Variants in EPHA6 observed in about 807,000 individuals in gnomAD.
EPHA6 encodes EPH receptor A6, also known as ephrin type-A receptor 6.
Under a neutral mutation model 112.0 loss-of-function variants are expected in EPHA6, and 50 were observed. That is an observed-to-expected ratio of 0.45 (90% CI 0.36 to 0.56). The LOEUF is 0.56. Ranked by LOEUF, EPHA6 falls within the 20% of genes least tolerant of loss-of-function variation. The probability of loss-of-function intolerance (pLI) is 0.00; values close to 1 mark genes in which losing one functional copy is unlikely to be tolerated. For missense variants in EPHA6, 1,280 were observed against 1,417.4 expected (o/e 0.90, Z 1.56); for synonymous variants, 529 against 490.7 (o/e 1.08, Z -1.03).
intron 2 of EPHA6, among the ~76,000 whole-genome samples, chr3:96,881,996 G>A (rs1410372062): frequency 6.6e-6 from 1 of 152,180 alleles, no homozygotes; most frequent in African/African-American, 2.4e-5. Flanking sequence ...GCTTTGCGGG[G>A]TACAGCCTCC....
chr3:97,425,235 T>G (rs142511295), intron 6 of EPHA6, among the ~76,000 whole-genome samples: 2,403 of 152,300 alleles, frequency 0.016, 61 homozygotes, highest in African/African-American at 0.052. Flanking sequence ...GGACTCTGTG[T>G]GGGGGCTCCA....
chr3:97,578,520 A>C (rs185409978), intron 11 of EPHA6, among the ~76,000 whole-genome samples: 1 of 152,334 alleles, frequency 6.6e-6, no homozygotes, highest in Admixed American at 6.5e-5. Context: ...CCTTAACGAC[A>C]GGGGTTTTGA....
intron 3 of EPHA6, among the ~76,000 whole-genome samples, chr3:97,147,461 C>T (rs1470513680): frequency 6.6e-6 from 1 of 151,932 alleles, no homozygotes; most frequent in African/African-American, 2.4e-5. Flanking sequence ...CAATGCCAGT[C>T]ACAAAGTGGC....
At chr3:97,525,838 G>T in intron 10 of EPHA6, among the ~76,000 whole-genome samples, 1 of 152,114 alleles carries the variant, frequency 6.6e-6, no homozygotes, top group East Asian at 1.9e-4. Context: ...CCAGATCTTT[G>T]GGTCTGGATC....
chr3:96,964,704 A>G (rs544457347), intron 2 of EPHA6, among the ~76,000 whole-genome samples: 1 of 152,254 alleles, frequency 6.6e-6, no homozygotes, highest in African/African-American at 2.4e-5. Flanking sequence ...TGCTCTGATG[A>G]ATGTACTTAT....
intron 2 of EPHA6, among the ~76,000 whole-genome samples, chr3:96,970,007 C>T (rs1218250292): frequency 6.6e-6 from 1 of 151,762 alleles, no homozygotes; most frequent in African/African-American, 2.4e-5. Flanking sequence ...AATATTATAC[C>T]TTTTAGTTAA....
At chr3:97,564,216 ATTAT>A (rs1029065101) in intron 11 of EPHA6, among the ~76,000 whole-genome samples, 11 of 114,380 alleles carry the variant, frequency 9.6e-5, no homozygotes, top group African/African-American at 2.2e-4. Context: ...TTGTAAAAAC[ATTAT>A]TTATTATTAT....
At chr3:96,970,310 C>T (rs1470116954) in intron 2 of EPHA6, among the ~76,000 whole-genome samples, 2 of 151,372 alleles carry the variant, frequency 1.3e-5, no homozygotes, top group East Asian at 3.9e-4. Flanking sequence ...GAGAAAGTGC[C>T]TCTTAGTTAT....
intron 3 of EPHA6, among the ~76,000 whole-genome samples, chr3:97,120,309 A>G (rs2048006314): frequency 1.3e-5 from 2 of 152,082 alleles, no homozygotes; most frequent in East Asian, 1.9e-4. Context: ...TCTTCTAGAA[A>G]CAGTAATTCT....
intron 10 of EPHA6, among the ~76,000 whole-genome samples, chr3:97,527,669 T>C (rs1315437852): frequency 1.3e-5 from 2 of 151,878 alleles, no homozygotes; most frequent in African/African-American, 2.4e-5. Flanking sequence ...CAGGGCCACA[T>C]AGGGGTTGCA....
chr3:96,945,481 T>G (rs75930737), intron 2 of EPHA6, among the ~76,000 whole-genome samples: 3,517 of 152,284 alleles, frequency 0.023, 142 homozygotes, highest in African/African-American at 0.08. Context: ...ACCAGCTTAC[T>G]CAAATATGTT....
At chr3:96,915,168 TAAAGTA>T (rs566749420) in intron 2 of EPHA6, among the ~76,000 whole-genome samples, 3 of 151,920 alleles carry the variant, frequency 2.0e-5, no homozygotes. Context: ...AAAAGAAAGT[TAAAGTA>T]AATGGCAAAG....
At chr3:96,905,010 G>T (rs964283184) in intron 2 of EPHA6, among the ~76,000 whole-genome samples, 1 of 152,076 alleles carries the variant, frequency 6.6e-6, no homozygotes, top group Non-Finnish European at 1.5e-5. Context: ...TCCAACAATG[G>T]TAGCCATATA....
At position 97,387,056 on chromosome 3, in the gene EPHA6, C is replaced by T. The variant is rs555065046; in HGVS notation, c.1607-18094C>T. Reference sequence around the variant, plus strand: ...AGGCTGCACAGAGCAGAGGGGCCCTCGACCTGGCCCACAAAACCATTCTTC... The same window carrying T: ...AGGCTGCACAGAGCAGAGGGGCCCTTGACCTGGCCCACAAAACCATTCTTC... On this transcript the variant is annotated intron_variant, in intron 5 of 17. Coordinates refer to ENST00000389672, the MANE Select transcript of EPHA6 (RefSeq NM_001080448.3). 3.3e-5 allele frequency among the ~76,000 whole-genome samples: 5 copies of T among 152,328 alleles called. No homozygotes were observed. In the South Asian group the frequency reaches 6.2e-4, roughly 19 times the overall value.
chr3:97,072,928 G>A (rs1026293952), intron 3 of EPHA6, among the ~76,000 whole-genome samples: 1 of 152,084 alleles, frequency 6.6e-6, no homozygotes, highest in African/African-American at 2.4e-5. Context: ...CTAAGTTTCA[G>A]GAGCTTACTG....
At chr3:97,672,873 G>A (rs1170666396) in intron 14 of EPHA6, among the ~76,000 whole-genome samples, 1 of 152,154 alleles carries the variant, frequency 6.6e-6, no homozygotes, top group African/African-American at 2.4e-5. Flanking sequence ...TGACTTTGCT[G>A]AAATAGGTTT....
At chr3:97,390,326 C>T (rs1314279521) in intron 5 of EPHA6, among the ~76,000 whole-genome samples, 4 of 151,986 alleles carry the variant, frequency 2.6e-5, no homozygotes, top group African/African-American at 4.8e-5. Context: ...CTCCCTGAAC[C>T]ACTGTGACAA....
chr3:97,213,263 G>C lies in EPHA6; in HGVS notation c.1115-13001G>C, dbSNP rs183421429. 2.6e-3 allele frequency among the ~76,000 whole-genome samples: 397 copies of C among 152,120 alleles called. 3 individuals carry two copies. The highest frequency in any genetic ancestry group is 8.6e-3 in the African/African-American group (356 of 41,508). On this transcript the variant is annotated intron_variant, in intron 3 of 17. Coordinates refer to ENST00000389672, the MANE Select transcript of EPHA6 (RefSeq NM_001080448.3). ...CTTCTGCAACTACATTCACTTCCAG[G>C]GCCATGTGAGAGGAGGACAGAGAGA...
At chr3:97,379,340 C>T (rs928022007) in intron 5 of EPHA6, among the ~76,000 whole-genome samples, 9 of 152,180 alleles carry the variant, frequency 5.9e-5, no homozygotes, top group African/African-American at 2.2e-4. Flanking sequence ...AATGACTAAT[C>T]AGAAATGCTT....
Sources: allele counts gnomAD v4.1 joint callset (sites outside exome capture counted in the v4.1 genomes callset), GRCh38; gene constraint gnomAD v4.1.1; transcripts MANE v1.5; gene names NCBI Gene and HGNC (gene_info 2026-07-23, HGNC 2026-07-21).